Variants in RBFOX1 observed in about 807,000 individuals in gnomAD.
RBFOX1 encodes RNA binding fox-1 homolog 1.
In RBFOX1, 8 loss-of-function variants were observed where a neutral mutation model predicts 57.7. The ratio of observed to expected loss-of-function variants is 0.14; its 90% CI spans 0.08 to 0.25. The LOEUF (loss-of-function observed/expected upper bound fraction) is 0.25. Among genes scored for constraint, RBFOX1 ranks in the 10% least tolerant of loss-of-function variants. The pLI is 1.00. For synonymous variants in RBFOX1, 326 were observed against 222.4 expected (o/e 1.47, Z -4.15); for missense variants, 611 against 548.5 (o/e 1.11, Z -1.14).
intron 3 of RBFOX1, among the ~76,000 whole-genome samples, chr16:6,876,827 G>C (rs986960854): frequency 6.6e-6 from 1 of 152,050 alleles, no homozygotes; most frequent in Non-Finnish European, 1.5e-5. Flanking sequence ...ACCGAAAGAT[G>C]GATTTCAGAT....
intron 1 of RBFOX1, among the ~76,000 whole-genome samples, chr16:5,367,574 A>T (rs1428730330): frequency 2.0e-5 from 3 of 152,166 alleles, no homozygotes; most frequent in Non-Finnish European, 4.4e-5. Context: ...TCCCCAGTGG[A>T]TACTATTACT....
chr16:7,327,963 C>T (rs2096633651), intron 4 of RBFOX1, among the ~76,000 whole-genome samples: 2 of 152,290 alleles, frequency 1.3e-5, no homozygotes, highest in East Asian at 1.9e-4. Context: ...TACCCCCTGT[C>T]TCTCATCTTC....
intron 1 of RBFOX1, among the ~76,000 whole-genome samples, chr16:6,169,163 A>G (rs545988760): frequency 6.6e-6 from 1 of 152,304 alleles, no homozygotes; most frequent in African/African-American, 2.4e-5. Context: ...TCATTGGAGT[A>G]AAGCAAAACA....
intron 2 of RBFOX1, among the ~76,000 whole-genome samples, chr16:5,497,954 G>A (rs898745693): frequency 1.3e-4 from 20 of 152,048 alleles, no homozygotes; most frequent in African/African-American, 4.8e-4. Context: ...GAGAGATGGG[G>A]GAAAGAAAAT....
chr16:6,197,721 T>C (rs2097189558), intron 1 of RBFOX1, among the ~76,000 whole-genome samples: 2 of 152,012 alleles, frequency 1.3e-5, no homozygotes, highest in South Asian at 4.2e-4. Flanking sequence ...GGATTCGTTG[T>C]ACAGATTATT....
intron 4 of RBFOX1, among the ~76,000 whole-genome samples, chr16:5,917,874 G>T (rs1264000200): frequency 6.6e-6 from 1 of 152,116 alleles, no homozygotes; most frequent in Non-Finnish European, 1.5e-5. Flanking sequence ...GTCCCCGTCA[G>T]GTTCCTTCCT....
At chr16:6,864,212 A>T (rs115464383) in intron 3 of RBFOX1, among the ~76,000 whole-genome samples, 1 of 152,088 alleles carries the variant, frequency 6.6e-6, no homozygotes, top group Admixed American at 6.5e-5. Context: ...TTTTTCTTCT[A>T]TGTCACTGTA....
At chr16:5,375,060 G>T (rs1358443054) in intron 1 of RBFOX1, among the ~76,000 whole-genome samples, 2 of 127,202 alleles carry the variant, frequency 1.6e-5, no homozygotes, top group Non-Finnish European at 3.1e-5. Flanking sequence ...TCTGTGTCCT[G>T]TGGTAGAAAC....
chr16:6,991,369 A>G (rs1489596417), intron 3 of RBFOX1, among the ~76,000 whole-genome samples: 2 of 152,186 alleles, frequency 1.3e-5, no homozygotes, highest in Non-Finnish European at 2.9e-5. Flanking sequence ...GGCCCTGGAC[A>G]GGATGCCTGG....
chr16:7,042,505 T>G (rs922431360), intron 3 of RBFOX1, among the ~76,000 whole-genome samples: 1 of 152,192 alleles, frequency 6.6e-6, no homozygotes, highest in Non-Finnish European at 1.5e-5. Flanking sequence ...TGAAATCAAT[T>G]GTCAGCTGCT....
chr16:7,484,598 G>A (rs141086088), intron 4 of RBFOX1, among the ~76,000 whole-genome samples: 165 of 152,204 alleles, frequency 1.1e-3, no homozygotes, highest in African/African-American at 3.8e-3. Flanking sequence ...GAGTAGCTGC[G>A]ACTACAGGCG....
intron 3 of RBFOX1, among the ~76,000 whole-genome samples, chr16:5,784,805 A>G (rs2054444023): frequency 1.3e-5 from 2 of 152,234 alleles, no homozygotes; most frequent in South Asian, 2.1e-4. Context: ...ATGTGAGGAC[A>G]TGGCGCATAG....
At chr16:5,339,804 G>A (rs992872475) in intron 1 of RBFOX1, among the ~76,000 whole-genome samples, 23 of 152,060 alleles carry the variant, frequency 1.5e-4, no homozygotes, top group African/African-American at 5.6e-4. Context: ...GCAGACTGAA[G>A]TGCAGCCAAG....
intron 3 of RBFOX1, among the ~76,000 whole-genome samples, chr16:6,946,782 T>C (rs1405035770): frequency 6.6e-6 from 1 of 152,094 alleles, no homozygotes; most frequent in African/African-American, 2.4e-5. Flanking sequence ...ATTTTTAAAA[T>C]TTTTTGCAGA....
chr16:6,517,207 G>T lies in RBFOX1; in HGVS notation c.-63-137396G>T, dbSNP rs576544206. On this transcript the variant is annotated intron_variant, in intron 2 of 15. Transcript: ENST00000550418. ...CTGACAAGCCACTTTATGGAAGGGC[G>T]TGATGATATATGGCCTTCCCCTGCT... Among the ~76,000 whole-genome samples the T allele has an allele frequency of 2.2e-4, 34 of 152,220 alleles. 1 individual carries two copies. In the South Asian group the frequency reaches 6.4e-3, roughly 29 times the overall value.
intron 4 of RBFOX1, among the ~76,000 whole-genome samples, chr16:7,254,801 C>A (rs182075624): frequency 8.5e-5 from 13 of 152,188 alleles, no homozygotes; most frequent in Admixed American, 6.5e-4. Context: ...TGTTGTATTT[C>A]ATACAATGAT....
intron 1 of RBFOX1, among the ~76,000 whole-genome samples, chr16:6,148,587 G>A (rs1269803024): frequency 1.3e-5 from 2 of 152,118 alleles, no homozygotes; most frequent in South Asian, 2.1e-4. Context: ...TGGCACCTAG[G>A]TAGTAGATGA....
chr16:7,030,393 C>G (rs1233958778), intron 3 of RBFOX1, among the ~76,000 whole-genome samples: 1 of 152,180 alleles, frequency 6.6e-6, no homozygotes, highest in Non-Finnish European at 1.5e-5. Context: ...GAAGTTTATT[C>G]ATTCAAGGTT....
chr16:5,257,531 A>G (rs1379906795), intron 1 of RBFOX1, among the ~76,000 whole-genome samples: 1 of 152,132 alleles, frequency 6.6e-6, no homozygotes, highest in African/African-American at 2.4e-5. Context: ...GTTTGGACCC[A>G]GTAGGGGCCT....
Sources: gnomAD v4.1 joint callset for allele counts (sites outside exome capture counted in the v4.1 genomes callset) on GRCh38, gnomAD v4.1.1 for gene constraint, MANE v1.5 for transcripts, NCBI Gene and HGNC (gene_info 2026-07-23, HGNC 2026-07-21) for gene names.